Variants in DST observed in about 807,000 individuals in gnomAD.
DST encodes the protein dystonin, also known as bullous pemphigoid antigen.
A neutral mutation model predicts 875.2 loss-of-function variants in DST; 253 were observed. The ratio of observed to expected loss-of-function variants is 0.29; its 90% CI spans 0.26 to 0.32. The LOEUF (loss-of-function observed/expected upper bound fraction) is 0.32, where lower values mean the gene tolerates loss of function less well. Ranked by LOEUF, DST falls within the 10% of genes least tolerant of loss-of-function variation. DST has a pLI of 1.00. For missense variants in DST, 8,287 were observed against 9,111.6 expected, an observed-to-expected ratio of 0.91 and a Z score of 3.68; for synonymous variants, 3,124 against 3,197.1, an observed-to-expected ratio of 0.98 and a Z score of 0.77.
intron 4 of DST, among the ~76,000 whole-genome samples, chr6:56,801,252 C>T (rs140441821): frequency 5.3e-5 from 8 of 152,120 alleles, no homozygotes; most frequent in South Asian, 2.1e-4. Flanking sequence ...ATTTAATTGT[C>T]GTATCTCCCC....
rs139792181 is a variant in DST, at chr6:56,769,510, T to C, written c.626-34221A>G. Among the ~76,000 whole-genome samples, 7 of 152,204 alleles carry C rather than the reference T, an allele frequency of 4.6e-5. No homozygotes were observed. The East Asian group carries it at 1.2e-3, about 25-fold the overall frequency. On this transcript the variant is annotated intron_variant, in intron 4 of 103. Transcript: ENST00000680361. The stretch of plus-strand genomic sequence containing the variant: ...GCCTAATTTTTCTGTAAACTTAAAC[T>C]GCTCTAAAAGTCTATTAAAAAAAAA...
intron 9 of DST, among the ~76,000 whole-genome samples, chr6:56,699,447 T>G (rs2099281639): frequency 6.6e-6 from 1 of 152,244 alleles, no homozygotes. Context: ...TCTTTAAAAC[T>G]ACATTTAAGT....
chr6:56,573,031 T>C lies in DST; in HGVS notation c.13270A>G (p.Ser4424Gly). 6.3e-7 allele frequency: 1 copy of C among 1,595,424 alleles called. No individual in the cohort carries two copies. The highest frequency in any genetic ancestry group is 8.5e-7 in the Non-Finnish European group (1 of 1,171,250). The change falls in exon 52 of 104, where the codon AGT (serine) becomes GGT (glycine). Residue 4424 changes from serine (S) to glycine (G), a missense_variant. Physicochemically the swap from Ser to Gly is moderately conservative, Grantham distance 56. Coordinates refer to ENST00000680361, the MANE Select transcript of DST (RefSeq NM_001374736.1). ...ACTTTTTCATTCATGGCATTTATAC[T>C]GCTCTGACGACCTGCAATATCCTGT... is the stretch of plus-strand genomic sequence containing the variant. ...LEQDIAGRQS[S>G]INAMNEKVKK...
At chr6:56,923,710 C>G (rs1463839700) in intron 2 of DST, among the ~76,000 whole-genome samples, 1 of 152,166 alleles carries the variant, frequency 6.6e-6, no homozygotes, top group African/African-American at 2.4e-5. Flanking sequence ...CTCTCTTACT[C>G]AGGGGAAGGT....
intron 3 of DST, among the ~76,000 whole-genome samples, chr6:56,889,726 A>C (rs1786380333): frequency 6.6e-6 from 1 of 151,982 alleles, no homozygotes; most frequent in Admixed American, 6.6e-5. Context: ...CCCCATACCC[A>C]CCCCCAATCT....
At chr6:56,611,277 G>A (rs1295207210) in intron 38 of DST, among the ~76,000 whole-genome samples, 1 of 152,146 alleles carries the variant, frequency 6.6e-6, no homozygotes, top group African/African-American at 2.4e-5. Context: ...CTCTGAGCCT[G>A]TTTCCTTATC....
intron 61 of DST, among the ~76,000 whole-genome samples, chr6:56,546,846 A>T (rs1057317076): frequency 6.6e-6 from 1 of 152,184 alleles, no homozygotes; most frequent in Non-Finnish European, 1.5e-5. Context: ...CCTTTGATCA[A>T]AGGTGGGCCT....
At chr6:56,924,996 T>C (rs1434928473) in intron 2 of DST, among the ~76,000 whole-genome samples, 1 of 152,158 alleles carries the variant, frequency 6.6e-6, no homozygotes, top group Non-Finnish European at 1.5e-5. Flanking sequence ...TTAGAACACC[T>C]GTAACAAAGG....
At position 56,862,769 on chromosome 6, in the gene DST, T is replaced by C. The variant is rs537009313; in HGVS notation, c.418-11165A>G. Reference sequence around the variant, plus strand: ...GGAGAGGATGAATTTGAGAAACATTTAGAGACTGGAAAAAAGAAGGCTGGA... The same window carrying C: ...GGAGAGGATGAATTTGAGAAACATTCAGAGACTGGAAAAAAGAAGGCTGGA... On this transcript the variant is annotated intron_variant, in intron 3 of 103. Coordinates refer to ENST00000680361, the MANE Select transcript of DST (RefSeq NM_001374736.1). 2.0e-5 allele frequency among the ~76,000 whole-genome samples: 3 copies of C among 152,136 alleles called. No individual in the cohort carries two copies. The East Asian group carries it at 5.8e-4, about 29-fold the overall frequency.
rs781002364 is a variant in DST at position 56,650,967 on chromosome 6, A to G, written c.1393T>C (p.Phe465Leu). Reference protein sequence around the residue: ...ITYVSSLYDAFPKVPEGGEGI... With the variant: ...ITYVSSLYDALPKVPEGGEGI... Reference sequence around the variant, plus strand: ...TCCCCACCTTCAGGGACTTTAGGAAATGCATCATAGAGAGATGACACGTAA... The same window carrying G: ...TCCCCACCTTCAGGGACTTTAGGAAGTGCATCATAGAGAGATGACACGTAA... The change falls in exon 12 of 104, where the codon TTT (phenylalanine) becomes CTT (leucine). Residue 465 changes from phenylalanine (F) to leucine (L), a missense_variant. This residue lies in a region of DST where 1,160 missense variants were observed against 1,424.3 expected (regional missense o/e 0.81). Transcript: ENST00000680361. 1 of 1,613,500 alleles carries G rather than the reference A, an allele frequency of 6.2e-7. No homozygotes were observed. The highest frequency in any genetic ancestry group is 1.7e-5 in the Admixed American group (1 of 60,010).
chr6:56,892,007 A>T (rs1787790534), intron 3 of DST, among the ~76,000 whole-genome samples: 1 of 152,164 alleles, frequency 6.6e-6, no homozygotes, highest in African/African-American at 2.4e-5. Context: ...TTAGGCCCAA[A>T]TTCAGGCCCT....
intron 31 of DST, 59 bp downstream of exon 31, chr6:56,630,186 T>C: frequency 2.3e-6 from 3 of 1,280,994 alleles, no homozygotes; most frequent in Non-Finnish European, 3.4e-6. Flanking sequence ...AAGATCTAAG[T>C]GCTAGAGAAA....
rs116718815 is a variant in DST, at chr6:56,651,073, T to C, written c.1328-41A>G. 1.7e-3 allele frequency: 2,768 copies of C among 1,588,004 alleles called. 41 individuals are homozygous for C. In the African/African-American group the frequency reaches 0.033, roughly 19 times the overall value. On this transcript the variant is annotated intron_variant, in intron 11 of 103. Transcript: ENST00000680361. ...TAAATTAATTATTTCACAATGTTGA[T>C]AAATTACTTTTGATCAGACTTTCAT...
At chr6:56,497,805 A>G in intron 81 of DST, 51 bp downstream of exon 81, 1 of 1,451,930 alleles carries the variant, frequency 6.9e-7, no homozygotes. Context: ...ATTCCATGCT[A>G]TTTTGGTCTT....
chr6:56,750,532 C>T (rs2099584107), intron 4 of DST, among the ~76,000 whole-genome samples: 1 of 152,112 alleles, frequency 6.6e-6, no homozygotes, highest in Non-Finnish European at 1.5e-5. Context: ...ATTCCACAGT[C>T]CCTCCTATCT....
Position 56,598,572 on chromosome 6 carries a change from A to C in DST, c.11832T>G (p.Ala3944=). The C allele has an allele frequency of 6.2e-7, 1 of 1,612,534 alleles. No homozygotes were observed. The highest frequency in any genetic ancestry group is 8.5e-7 in the Non-Finnish European group (1 of 1,179,080). The part of the protein sequence containing the change: ...KALIEQKLNE[A]KIKCEQLNLK... ...AATTAAGCTGTTCACACTTTATCTT[A>C]GCTTCATTAAGTTTCTGTTCAATCA... Residue 3944 remains alanine, a synonymous_variant, in exon 46 of 104, where the codon GCT becomes GCG. Transcript: ENST00000680361.
intron 4 of DST, among the ~76,000 whole-genome samples, chr6:56,772,551 C>T (rs767578223): frequency 6.6e-6 from 1 of 152,152 alleles, no homozygotes; most frequent in Non-Finnish European, 1.5e-5. Context: ...TAAAGGAATG[C>T]CCCATATGAC....
At chr6:56,499,793 C>T (rs2152456264) in intron 80 of DST, among the ~76,000 whole-genome samples, 1 of 152,166 alleles carries the variant, frequency 6.6e-6, no homozygotes, top group Non-Finnish European at 1.5e-5. Flanking sequence ...TGTATGTTAC[C>T]TTTAAGACAG....
chr6:56,783,486 CTTT>C (rs1318848551), intron 4 of DST, among the ~76,000 whole-genome samples: 3 of 152,112 alleles, frequency 2.0e-5, no homozygotes, highest in African/African-American at 7.2e-5. Flanking sequence ...TAATGGCCTT[CTTT>C]GTCTCTTTTG....
Sources: gnomAD v4.1 joint callset for allele counts (sites outside exome capture counted in the v4.1 genomes callset) on GRCh38, gnomAD v4.1.1 for gene constraint, gnomAD v4.1.1 regional missense constraint, MANE v1.5 for transcripts, NCBI Gene and HGNC (gene_info 2026-07-23, HGNC 2026-07-21) for gene names.